Variants in YAP1 observed in about 807,000 individuals in gnomAD.
The protein encoded by YAP1 is Yes1 associated transcriptional regulator.
Under a neutral mutation model 56.9 loss-of-function variants are expected in YAP1, and 5 were observed. The ratio of observed to expected loss-of-function variants is 0.09; its 90% CI spans 0.05 to 0.18. The LOEUF is 0.18. YAP1 is among the 10% of genes least tolerant of loss of function. YAP1 has a pLI of 1.00. For synonymous variants in YAP1, 265 were observed against 248.1 expected, an observed-to-expected ratio of 1.07 and a Z score of -0.64; for missense variants, 539 against 651.8, an observed-to-expected ratio of 0.83 and a Z score of 1.88.
chr11:102,200,102 A>G (rs1380295882), intron 4 of YAP1, among the ~76,000 whole-genome samples: 1 of 152,264 alleles, frequency 6.6e-6, no homozygotes, highest in African/African-American at 2.4e-5. Flanking sequence ...ATACATGTAT[A>G]TAACTTACAC....
At chr11:102,192,289 T>C (rs1351362078) in intron 4 of YAP1, among the ~76,000 whole-genome samples, 1 of 152,224 alleles carries the variant, frequency 6.6e-6, no homozygotes, top group Non-Finnish European at 1.5e-5. Flanking sequence ...TTTATCAATT[T>C]ACTCACTTCT....
rs1273077712 is a variant in YAP1, at chr11:102,169,087, C to T, written c.688+6516C>T. Among the ~76,000 whole-genome samples, 6 of 152,166 alleles carry T rather than the reference C, an allele frequency of 3.9e-5. No homozygotes were observed. In the East Asian group the frequency reaches 9.6e-4, roughly 24 times the overall value. On this transcript the variant is annotated intron_variant, in intron 3 of 8. Transcript: ENST00000282441. Reference sequence around the variant, plus strand: ...CCATGGACCTGATTTGAATCCCAGGCGTCATCTATTGTCCATGAAATCTTG... The same window carrying T: ...CCATGGACCTGATTTGAATCCCAGGTGTCATCTATTGTCCATGAAATCTTG...
intron 2 of YAP1, among the ~76,000 whole-genome samples, chr11:102,116,992 A>G (rs1214544482): frequency 6.6e-6 from 1 of 152,202 alleles, no homozygotes; most frequent in African/African-American, 2.4e-5. Context: ...TATGAACATT[A>G]TGCAATTTGG....
chr11:102,129,455 C>CA (rs1252997798), intron 2 of YAP1, among the ~76,000 whole-genome samples: 1 of 151,640 alleles, frequency 6.6e-6, no homozygotes, highest in Admixed American at 6.6e-5. Context: ...CCCATCTCTA[C>CA]AAAAACACAA....
intron 2 of YAP1, among the ~76,000 whole-genome samples, chr11:102,159,631 T>A (rs1394164071): frequency 1.3e-5 from 2 of 152,234 alleles, no homozygotes; most frequent in Admixed American, 1.3e-4. Flanking sequence ...GCTTTTTGCG[T>A]ACCAGGAGTC....
At position 102,227,110 on chromosome 11, in the gene YAP1, C is replaced by A. The variant is rs184044670; in HGVS notation, c.1164-359C>A. The A allele has an allele frequency of 3.5e-3, 641 of 182,016 alleles. 11 individuals carry two copies. Among genetic ancestry groups the A allele is most frequent in the African/African-American group, 0.014 (611 of 42,372 alleles). 11.3% of individuals were successfully genotyped at this position (182,016 alleles called of 1,614,324 possible). On this transcript the variant is annotated intron_variant, in intron 7 of 8. Coordinates refer to ENST00000282441, the MANE Select transcript of YAP1 (RefSeq NM_001130145.3). Reference sequence around the variant, plus strand: ...TAAGTTGTATGGGTTCCTCCGCACCCCCAGATTCAAATGATATTACAGAGA... The same window carrying A: ...TAAGTTGTATGGGTTCCTCCGCACCACCAGATTCAAATGATATTACAGAGA...
intron 2 of YAP1, among the ~76,000 whole-genome samples, chr11:102,144,244 ATATTTTCTCAAC>A (rs1013273144): frequency 1.3e-5 from 2 of 152,184 alleles, no homozygotes; most frequent in African/African-American, 4.8e-5. Flanking sequence ...AATCCCAGTA[ATATTTTCTCAAC>A]TATGTACAGA....
At chr11:102,156,497 C>A (rs909981227) in intron 2 of YAP1, among the ~76,000 whole-genome samples, 1 of 152,102 alleles carries the variant, frequency 6.6e-6, no homozygotes, top group African/African-American at 2.4e-5. Flanking sequence ...TAAAATATTT[C>A]TTTATTTTTA....
chr11:102,184,096 GA>G (rs1947814384), intron 3 of YAP1, among the ~76,000 whole-genome samples: 3 of 70,860 alleles, frequency 4.2e-5, no homozygotes, highest in African/African-American at 1.3e-4. Context: ...AAAAAAAAAA[GA>G]AAGCTACAAT....
Position 102,122,865 on chromosome 11 carries a change from T to C in YAP1, c.572+8471T>C, listed in dbSNP as rs551904006. 2.6e-3 allele frequency among the ~76,000 whole-genome samples: 329 copies of C among 125,470 alleles called. 1 individual carries two copies. The highest frequency in any genetic ancestry group is 0.012 in the Middle Eastern group (2 of 166). The allele number at this position is 125,470 out of a possible 152,430, so 82.3% of individuals were successfully genotyped here. ...TGAATCGAGATCGAGCATTGCACTC[T>C]AGCCTGGGGGACAAGAGCGAGACTT... On this transcript the variant is annotated intron_variant, in intron 2 of 8. Coordinates refer to ENST00000282441, the MANE Select transcript of YAP1 (RefSeq NM_001130145.3).
At chr11:102,142,690 A>G (rs191030099) in intron 2 of YAP1, among the ~76,000 whole-genome samples, 1 of 152,362 alleles carries the variant, frequency 6.6e-6, no homozygotes, top group East Asian at 1.9e-4. Flanking sequence ...CATAGCTTTC[A>G]GAATTTATTC....
rs1478785650 is a variant in YAP1, at chr11:102,232,927, CTGTGT to C, written c.*2989_*2993del. 1.3e-5 allele frequency: 2 copies of C among 152,244 alleles called. No homozygotes were observed. The highest frequency in any genetic ancestry group is 2.4e-5 in the African/African-American group (1 of 41,442). 9.4% of individuals were successfully genotyped at this position (152,244 alleles called of 1,614,324 possible). Reference sequence around the variant, plus strand: ...AGTGACTTTGCTACAAATAATGTTGCTGTGTTAAGTATTCATATTAAATACATGCC... The same window carrying C: ...AGTGACTTTGCTACAAATAATGTTGCTAAGTATTCATATTAAATACATGCC... On this transcript the variant is annotated 3_prime_UTR_variant, in exon 9 of 9. Transcript: ENST00000282441.
chr11:102,149,252 A>G (rs1945492990), intron 2 of YAP1, among the ~76,000 whole-genome samples: 1 of 152,238 alleles, frequency 6.6e-6, no homozygotes, highest in African/African-American at 2.4e-5. Context: ...TCAATCTGCA[A>G]CTTCCTGAAC....
chr11:102,172,404 C>T (rs973165329), intron 3 of YAP1, among the ~76,000 whole-genome samples: 5 of 141,042 alleles, frequency 3.5e-5, no homozygotes, highest in African/African-American at 1.1e-4. Flanking sequence ...TTCAACTTCA[C>T]GGGCTCAAGT....
chr11:102,139,152 A>C (rs1171299763), intron 2 of YAP1, among the ~76,000 whole-genome samples: 2 of 151,978 alleles, frequency 1.3e-5, no homozygotes, highest in Non-Finnish European at 2.9e-5. Flanking sequence ...ACAGTGAATC[A>C]GATTTCGGCA....
intron 2 of YAP1, among the ~76,000 whole-genome samples, chr11:102,148,785 T>G (rs1945466784): frequency 6.6e-6 from 1 of 152,150 alleles, no homozygotes. Flanking sequence ...ATTGCACATG[T>G]AGAGATTTAA....
At chr11:102,132,180 G>GT (rs1314588600) in intron 2 of YAP1, among the ~76,000 whole-genome samples, 1 of 152,168 alleles carries the variant, frequency 6.6e-6, no homozygotes, top group Non-Finnish European at 1.5e-5. Flanking sequence ...TGAGAGAAAA[G>GT]TCATGAGGTA....
At chr11:102,123,169 G>A (rs1023227006) in intron 2 of YAP1, among the ~76,000 whole-genome samples, 2 of 152,006 alleles carry the variant, frequency 1.3e-5, no homozygotes, top group African/African-American at 4.8e-5. Flanking sequence ...TTCATGTTGT[G>A]CCTACAGCAG....
At chr11:102,126,530 G>A (rs181357068) in intron 2 of YAP1, among the ~76,000 whole-genome samples, 2 of 152,302 alleles carry the variant, frequency 1.3e-5, no homozygotes, top group African/African-American at 4.8e-5. Context: ...CGCCATGTAA[G>A]AAGTGCCTCT....
Sources: gnomAD v4.1 joint callset for allele counts (sites outside exome capture counted in the v4.1 genomes callset) on GRCh38, gnomAD v4.1.1 for gene constraint, MANE v1.5 for transcripts, NCBI Gene and HGNC (gene_info 2026-07-23, HGNC 2026-07-21) for gene names.